The following TBC1D31 variants were observed in gnomAD, a reference collection of about 807,000 sequenced individuals.
TBC1D31 encodes the protein WD repeat domain 67.
Under a neutral mutation model 132.9 loss-of-function variants are expected in TBC1D31, and 99 were observed. The observed-to-expected ratio is 0.74, with a 90% CI of 0.63 to 0.88. The LOEUF (loss-of-function observed/expected upper bound fraction) is 0.88, where lower values mean the gene tolerates loss of function less well. Among genes scored for constraint, TBC1D31 ranks in the 40% least tolerant of loss-of-function variants. The probability of loss-of-function intolerance (pLI) is 0.00; values close to 1 mark genes in which losing one functional copy is unlikely to be tolerated. For synonymous variants in TBC1D31, 385 were observed against 419.4 expected (o/e 0.92, Z 1.00); for missense variants, 1,134 against 1,256.6 (o/e 0.90, Z 1.48).
At position 123,126,205 on chromosome 8, in the gene TBC1D31, T is replaced by G. The variant is rs777936784; in HGVS notation, c.1704+16T>G. 3 of 1,594,554 alleles carry G rather than the reference T, an allele frequency of 1.9e-6. No individual in the cohort carries two copies. Among genetic ancestry groups the G allele is most frequent in the Non-Finnish European group, 2.6e-6 (3 of 1,173,198 alleles). On this transcript the variant is annotated intron_variant, in intron 12 of 21. Transcript: ENST00000287380. Reference sequence around the variant, plus strand: ...AACCTCCCAGGTAAGAAGCATAAGGTTTTTAGAATAACATGCCTTATTTTG... The same window carrying G: ...AACCTCCCAGGTAAGAAGCATAAGGGTTTTAGAATAACATGCCTTATTTTG...
intron 4 of TBC1D31, among the ~76,000 whole-genome samples, chr8:123,088,225 T>C (rs527332819): frequency 6.6e-6 from 1 of 152,052 alleles, no homozygotes; most frequent in East Asian, 1.9e-4. Context: ...AAATACACTA[T>C]AGTTTAAGTT....
intron 11 of TBC1D31, chr8:123,123,166 G>GA (rs1165588439): frequency 6.6e-6 from 1 of 152,228 alleles, no homozygotes; most frequent in Non-Finnish European, 1.5e-5. Flanking sequence ...TCTTTGTGCA[G>GA]ATTTGCCAGG....
At chr8:123,145,617 G>C (rs1310744691) in intron 20 of TBC1D31, among the ~76,000 whole-genome samples, 1 of 151,694 alleles carries the variant, frequency 6.6e-6, no homozygotes, top group East Asian at 1.9e-4. Context: ...TTTGAGCCCA[G>C]GAGTTTGAGG....
At chr8:123,147,115 C>A (rs1225114293) in intron 20 of TBC1D31, among the ~76,000 whole-genome samples, 2 of 151,688 alleles carry the variant, frequency 1.3e-5, no homozygotes, top group African/African-American at 4.8e-5. Context: ...ACAAAAGATA[C>A]TAATCATGGG....
rs887055949 is a variant in TBC1D31 at position 123,072,757 on chromosome 8, G to A, written c.-13G>A. On this transcript the variant is annotated 5_prime_UTR_variant, in exon 1 of 22. Transcript: ENST00000287380. The stretch of plus-strand genomic sequence containing the variant: ...ACCCAGCGGGCCGCCGGCGGTCGTG[G>A]GCAAGCTTCGCCATGCAGAGCACTG... The A allele has an allele frequency of 1.3e-6, 2 of 1,556,502 alleles. No individual in the cohort carries two copies. The highest frequency in any genetic ancestry group is 1.4e-5 in the African/African-American group (1 of 73,354).
chr8:123,140,991 G>A (rs1821603794), intron 18 of TBC1D31, 90 bp downstream of exon 18: 1 of 1,228,040 alleles, frequency 8.1e-7, no homozygotes, highest in Non-Finnish European at 1.2e-6. Flanking sequence ...TAAACTCTGT[G>A]AAGTTGAGTT....
intron 7 of TBC1D31, among the ~76,000 whole-genome samples, chr8:123,104,627 G>T (rs1817746104): frequency 6.6e-6 from 1 of 152,132 alleles, no homozygotes; most frequent in Non-Finnish European, 1.5e-5. Context: ...ATTGTTTATG[G>T]AGAAAATGTT....
chr8:123,081,976 GTTTC>G (rs914356468), intron 2 of TBC1D31, among the ~76,000 whole-genome samples: 1 of 152,116 alleles, frequency 6.6e-6, no homozygotes, highest in African/African-American at 2.4e-5. Flanking sequence ...AATTTTACCT[GTTTC>G]TTCTTACTTT....
intron 17 of TBC1D31, among the ~76,000 whole-genome samples, chr8:123,139,247 T>A (rs932836048): frequency 6.6e-6 from 1 of 152,164 alleles, no homozygotes; most frequent in African/African-American, 2.4e-5. Context: ...TGAAAATTCA[T>A]GTAACACCCT....
intron 1 of TBC1D31, 83 bp downstream of exon 1, chr8:123,072,929 C>A: frequency 7.2e-7 from 1 of 1,387,562 alleles, no homozygotes; most frequent in Non-Finnish European, 1.0e-6. Context: ...GGCAGCGTTC[C>A]GGGTTCTGGC....
At chr8:123,162,705 G>A in the TBC1D31 span, among the ~76,000 whole-genome samples, 1 of 152,158 alleles carries the variant, frequency 6.6e-6, no homozygotes, top group Admixed American at 6.5e-5. Flanking sequence ...TCAATTGCAC[G>A]AATAATATGT....
At position 123,151,964 on chromosome 8, in the gene TBC1D31, G is replaced by T; in HGVS notation, c.*25G>T. The T allele has an allele frequency of 6.9e-7, 1 of 1,452,132 alleles. No individual in the cohort carries two copies. The allele number at this position is 1,452,132 out of a possible 1,614,324, so 90.0% of individuals were successfully genotyped here. On this transcript the variant is annotated 3_prime_UTR_variant, in exon 22 of 22. Coordinates refer to ENST00000287380, the MANE Select transcript of TBC1D31 (RefSeq NM_145647.4). ...GAATGCATGTCACCTTGAGACGGTC[G>T]AGAGAGAGACCTATTTTGCAATCAG...
At chr8:123,146,473 A>G (rs1822221224) in intron 20 of TBC1D31, among the ~76,000 whole-genome samples, 1 of 152,202 alleles carries the variant, frequency 6.6e-6, no homozygotes, top group Admixed American at 6.5e-5. Flanking sequence ...TTGAGATTCA[A>G]CCATGTTGTA....
chr8:123,110,228 T>C (rs1017119431), intron 10 of TBC1D31, among the ~76,000 whole-genome samples: 6 of 152,328 alleles, frequency 3.9e-5, no homozygotes, highest in Admixed American at 3.9e-4. Flanking sequence ...TAATTTTTTT[T>C]ATCTAAAAGT....
the TBC1D31 span, among the ~76,000 whole-genome samples, chr8:123,157,562 C>T: frequency 6.6e-6 from 1 of 152,136 alleles, no homozygotes; most frequent in Non-Finnish European, 1.5e-5. Flanking sequence ...GTAGTGCGTA[C>T]AAACCGTTTG....
intron 16 of TBC1D31, among the ~76,000 whole-genome samples, chr8:123,132,743 C>A (rs953855677): frequency 6.6e-6 from 1 of 152,122 alleles, no homozygotes; most frequent in Non-Finnish European, 1.5e-5. Flanking sequence ...TATTAGAAAT[C>A]TATCATCTCT....
chr8:123,160,139 C>T, the TBC1D31 span, among the ~76,000 whole-genome samples: 1 of 152,142 alleles, frequency 6.6e-6, no homozygotes, highest in Non-Finnish European at 1.5e-5. Flanking sequence ...TTTAATGGTC[C>T]TGTCTCCTTA....
intron 11 of TBC1D31, among the ~76,000 whole-genome samples, chr8:123,123,924 A>G (rs1051232431): frequency 6.6e-6 from 1 of 152,198 alleles, no homozygotes; most frequent in African/African-American, 2.4e-5. Context: ...ATAAATTGGC[A>G]TGGAAATTTA....
At chr8:123,117,146 C>A (rs1330148165) in intron 10 of TBC1D31, among the ~76,000 whole-genome samples, 1 of 152,050 alleles carries the variant, frequency 6.6e-6, no homozygotes, top group African/African-American at 2.4e-5. Flanking sequence ...GAAACCGTAT[C>A]TCTATTAAAA....
Sources: allele counts gnomAD v4.1 joint callset (sites outside exome capture counted in the v4.1 genomes callset), GRCh38; gene constraint gnomAD v4.1.1; transcripts MANE v1.5; gene names NCBI Gene and HGNC (gene_info 2026-07-23, HGNC 2026-07-21).